Variants in MYH4 observed in about 807,000 individuals in gnomAD.
MYH4 encodes the protein myosin heavy chain 4.
A neutral mutation model predicts 229.9 loss-of-function variants in MYH4; 200 were observed. The ratio of observed to expected loss-of-function variants is 0.87; its 90% CI spans 0.78 to 0.98. The LOEUF is 0.98. Among genes scored for constraint, MYH4 ranks in the 50% least tolerant of loss-of-function variants. The probability of loss-of-function intolerance (pLI) is 0.00; values close to 1 mark genes in which losing one functional copy is unlikely to be tolerated. For synonymous variants in MYH4, 761 were observed against 834.6 expected, an observed-to-expected ratio of 0.91 and a Z score of 1.52; for missense variants, 2,148 against 2,332.6, an observed-to-expected ratio of 0.92 and a Z score of 1.63.
intron 28 of MYH4, 38 bp downstream of exon 28, chr17:10,451,288 G>C (rs186532155): frequency 1.2e-5 from 20 of 1,605,272 alleles, no homozygotes; most frequent in Non-Finnish European, 1.5e-5. Context: ...TCTTTCATTC[G>C]TCACCTCTCC....
intron 5 of MYH4, among the ~76,000 whole-genome samples, chr17:10,465,064 A>T (rs2072747206): frequency 6.6e-6 from 1 of 152,242 alleles, no homozygotes; most frequent in Non-Finnish European, 1.5e-5. Flanking sequence ...TGTGCTTGTG[A>T]TAACTTGTCA....
chr17:10,445,450 T>C (rs2072501863), intron 35 of MYH4, 88 bp from the exon 36 acceptor site: 1 of 1,504,828 alleles, frequency 6.6e-7, no homozygotes, highest in East Asian at 2.3e-5. Flanking sequence ...AGGCAAAAAT[T>C]ATTGATCATA....
rs112636796 is a variant in MYH4, at chr17:10,447,208, C to G, written c.4974G>C (p.Gln1658His). Residue 1658 changes from glutamine to histidine, a missense_variant, in exon 35 of 40, where the codon CAG becomes CAC. Gln to His is a conservative substitution (Grantham distance 24). Transcript: ENST00000255381. Reference protein sequence around the residue: ...RNTQGILKDTQLHLDDAIRGQ... With the variant: ...RNTQGILKDTHLHLDDAIRGQ... ...CTCTGATGGCATCATCCAAATGTAGCTGAGTGTCCTACACAGAAAGAGAAA... is the reference window on the plus strand; with the variant it reads ...CTCTGATGGCATCATCCAAATGTAGGTGAGTGTCCTACACAGAAAGAGAAA... 794 of 1,614,048 alleles carry G rather than the reference C, an allele frequency of 4.9e-4. 5 individuals carry two copies. The African/African-American group carries it at 9.3e-3, about 19-fold the overall frequency.
rs1447870236 is a variant in MYH4, at chr17:10,460,907, G to A, written c.1147+9C>T. The A allele has an allele frequency of 1.2e-6, 2 of 1,613,608 alleles. No homozygotes were observed. Among genetic ancestry groups the A allele is most frequent in the African/African-American group, 1.3e-5 (1 of 74,986 alleles). On this transcript the variant is annotated intron_variant, in intron 12 of 39. Transcript: ENST00000255381. ...TTGTCAAGTGGAAGATACCAACAGG[G>A]GGTGGTACCTTCCGTGCCATCTGGC...
chr17:10,465,770 CTT>C (rs957442606), intron 4 of MYH4, among the ~76,000 whole-genome samples, 172 bp from the exon 5 acceptor site: 2 of 97,992 alleles, frequency 2.0e-5, no homozygotes, highest in African/African-American at 7.6e-5. Context: ...TTCAGTTTTT[CTT>C]TTTTTTTTTT....
rs1337003399 is a variant in MYH4 at position 10,450,840 on chromosome 17, T to A, written c.3921A>T (p.Arg1307=). 1.2e-6 allele frequency: 2 copies of A among 1,614,162 alleles called. No homozygotes were observed. The highest frequency in any genetic ancestry group is 1.7e-6 in the Non-Finnish European group (2 of 1,180,026). Residue 1307 remains arginine (R), a synonymous_variant, in exon 29 of 40, where the codon CGA becomes CGT. Coordinates refer to ENST00000255381, the MANE Select transcript of MYH4 (RefSeq NM_017533.2). ...EKDAMVSQLS[R]GKQAFTQQIE... is the part of the protein sequence containing the mutation. The stretch of plus-strand genomic sequence containing the variant: ...TCTGTTGTGTAAATGCTTGTTTGCC[T>A]CGGGATAGCTGAGAAACCATAGCAT...
rs562400437 is a variant in MYH4 at position 10,455,159 on chromosome 17, G to T, written c.2298+13C>A. 6.2e-7 allele frequency: 1 copy of T among 1,614,102 alleles called. No homozygotes were observed. Among genetic ancestry groups the T allele is most frequent in the South Asian group, 1.1e-5 (1 of 91,080 alleles). ...ATAGAATTATGACAGATAGAAATTT[G>T]GACTGGTGATACCTTGGTATGACCG... On this transcript the variant is annotated intron_variant, in intron 20 of 39. Coordinates refer to ENST00000255381, the MANE Select transcript of MYH4 (RefSeq NM_017533.2).
chr17:10,452,786 C>T lies in MYH4; in HGVS notation c.3257+1G>A, dbSNP rs913537875. 1 of 1,601,132 alleles carries T rather than the reference C, an allele frequency of 6.2e-7. No homozygotes were observed. The highest frequency in any genetic ancestry group is 1.4e-5 in the African/African-American group (1 of 73,884). ...TTATAGCTGAATTATACCATACTTA[C>T]TTTTTGAGTTTCTCATTAAGTTGCT... On this transcript the variant is annotated splice_donor_variant, in intron 25 of 39. Coordinates refer to ENST00000255381, the MANE Select transcript of MYH4 (RefSeq NM_017533.2). LOFTEE classifies it high-confidence loss of function.
rs113160952 is a variant in MYH4, at chr17:10,444,535, A to G, written c.5667+69T>C. On this transcript the variant is annotated intron_variant, in intron 39 of 39. Transcript: ENST00000255381. ...ATTTAAAGAAAACCCCCTAAATTCT[A>G]TAAACTTTAGGCCCCAAAAAACCTG... 3.8e-5 allele frequency: 46 copies of G among 1,198,222 alleles called. No homozygotes were observed. The African/African-American group carries it at 6.0e-4, about 16-fold the overall frequency. The allele number at this position is 1,198,222 out of a possible 1,614,324, so 74.2% of individuals were successfully genotyped here.
intron 37 of MYH4, 30 bp downstream of exon 37, chr17:10,444,946 A>G (rs1354955661): frequency 6.2e-7 from 1 of 1,614,120 alleles, no homozygotes; most frequent in Admixed American, 1.7e-5. Context: ...AACTGGCCAC[A>G]AGGAATTGAG....
At position 10,447,171 on chromosome 17, in the gene MYH4, G is replaced by A; in HGVS notation, c.5011C>T (p.Leu1671Phe). 4.3e-6 allele frequency: 7 copies of A among 1,614,096 alleles called. No individual in the cohort carries two copies. In the South Asian group the frequency reaches 5.5e-5, roughly 13 times the overall value. Residue 1671 changes from leucine to phenylalanine, a missense_variant, in exon 35 of 40, where the codon CTT becomes TTT. Leu to Phe is a conservative substitution (Grantham distance 22). Transcript: ENST00000255381. ...LDDAIRGQDDLKEQLAMVERR... is the reference protein window; with the variant it reads ...LDDAIRGQDDFKEQLAMVERR... ...TCAACCATTGCCAGTTGTTCCTTAA[G>A]GTCATCTTGGCCTCTGATGGCATCA...
At chr17:10,464,846 C>T (rs2072745284) in intron 5 of MYH4, 138 bp from the exon 6 acceptor site, 7 of 821,360 alleles carry the variant, frequency 8.5e-6, no homozygotes, top group African/African-American at 6.9e-5. Flanking sequence ...CTTTGCTTCT[C>T]ATAAGGTTTT....
intron 12 of MYH4, 50 bp from the exon 13 acceptor site, chr17:10,460,371 T>A: frequency 7.5e-7 from 1 of 1,339,506 alleles, no homozygotes; most frequent in Non-Finnish European, 1.0e-6. Flanking sequence ...TTACACAATT[T>A]AAAATGTAAA....
chr17:10,447,703 T>G, intron 34 of MYH4, 115 bp downstream of exon 34: 1 of 1,053,288 alleles, frequency 9.5e-7, no homozygotes, highest in Non-Finnish European at 1.4e-6. Flanking sequence ...AACTTTGAAC[T>G]GATTACCATG....
intron 21 of MYH4, 38 bp from the exon 22 acceptor site, chr17:10,454,848 T>C: frequency 6.2e-7 from 1 of 1,610,628 alleles, no homozygotes; most frequent in Non-Finnish European, 8.5e-7. Flanking sequence ...TGGAGAATAA[T>C]GTGGAAAGTG....
chr17:10,463,515 G>T, intron 8 of MYH4, 36 bp downstream of exon 8: 1 of 1,584,712 alleles, frequency 6.3e-7, no homozygotes, highest in Non-Finnish European at 8.7e-7. Context: ...AAGAATCAGT[G>T]CTGATCCTCA....
At position 10,460,224 on chromosome 17, in the gene MYH4, G is replaced by T. The variant is rs1216880885; in HGVS notation, c.1245C>A (p.Thr415=). 6.2e-7 allele frequency: 1 copy of T among 1,614,006 alleles called. No homozygotes were observed. The highest frequency in any genetic ancestry group is 1.7e-4 in the Middle Eastern group (1 of 6,060). Residue 415 remains threonine, a synonymous_variant, in exon 13 of 40, where the codon ACC becomes ACA. Coordinates refer to ENST00000255381, the MANE Select transcript of MYH4 (RefSeq NM_017533.2). ...PRVKVGNEFV[T]KGQTVQQVYN... Reference sequence around the variant, plus strand: ...TTACCTGCTGCACAGTCTGGCCTTTGGTTACGAACTCATTGCCGACCTTGA... The same window carrying T: ...TTACCTGCTGCACAGTCTGGCCTTTTGTTACGAACTCATTGCCGACCTTGA...
Position 10,466,254 on chromosome 17 carries a change from G to A in MYH4, c.348+19C>T, listed in dbSNP as rs2072765356. The A allele has an allele frequency of 6.2e-7, 1 of 1,611,652 alleles. No individual in the cohort carries two copies. Among genetic ancestry groups the A allele is most frequent in the Non-Finnish European group, 8.5e-7 (1 of 1,178,956 alleles). On this transcript the variant is annotated intron_variant, in intron 4 of 39. Transcript: ENST00000255381. ...TAGAATGTGGAGTGAGTGAGAAATA[G>A]CGTTGAAAGGGTGCTCACGTAGATC...
At position 10,448,407 on chromosome 17, in the gene MYH4, C is replaced by G. The variant is rs759247513; in HGVS notation, c.4645G>C (p.Glu1549Gln). Residue 1549 changes from glutamate to glutamine, a missense_variant, in exon 33 of 40, where the codon GAG becomes CAG. Glu to Gln is a conservative substitution (Grantham distance 29). Coordinates refer to ENST00000255381, the MANE Select transcript of MYH4 (RefSeq NM_017533.2). ...HEKSELQTSL[E>Q]EAEASLEHEE... ...AATGAAAAATGTACCTCTGCTTCCT[C>G]TAGGGAAGTCTGTAGTTCACTCTTC... The G allele has an allele frequency of 1.2e-5, 19 of 1,612,478 alleles. No homozygotes were observed. The South Asian group carries it at 2.0e-4, about 17-fold the overall frequency.
Sources: gnomAD v4.1 joint callset for allele counts (sites outside exome capture counted in the v4.1 genomes callset) on GRCh38, gnomAD v4.1.1 for gene constraint, MANE v1.5 for transcripts, NCBI Gene and HGNC (gene_info 2026-07-23, HGNC 2026-07-21) for gene names.